The following PHLDB2 variants were observed in gnomAD, a reference collection of about 807,000 sequenced individuals.
PHLDB2 encodes the protein pleckstrin homology-like domain family B member 2.
PHLDB2 carries 71 observed loss-of-function variants against 123.6 expected under a neutral mutation model. The ratio of observed to expected loss-of-function variants is 0.57; its 90% CI spans 0.47 to 0.70. The LOEUF (loss-of-function observed/expected upper bound fraction) is 0.70, where lower values mean the gene tolerates loss of function less well. PHLDB2 is among the 30% of genes least tolerant of loss of function. The pLI is 0.00. For missense variants in PHLDB2, 1,446 were observed against 1,519.5 expected (o/e 0.95, Z 0.80); for synonymous variants, 547 against 541.6 (o/e 1.01, Z -0.14).
Position 111,805,858 on chromosome 3 carries a change from AAAG to A in PHLDB2, c.-48-39954_-48-39952del, listed in dbSNP as rs1276360543. 2.5e-3 allele frequency among the ~76,000 whole-genome samples: 367 copies of A among 148,718 alleles called. 58 individuals are homozygous for A. In the East Asian group the frequency reaches 0.068, roughly 27 times the overall value. On this transcript the variant is annotated intron_variant, in intron 1 of 17. Transcript: ENST00000393923. ...GCATAGATGTATGCAAAAAAAAAAA[AAAG>A]AAGAAGAAAAAAGAAAAGATACAAG...
chr3:111,849,479 G>A (rs2064156760), intron 2 of PHLDB2, among the ~76,000 whole-genome samples: 1 of 152,118 alleles, frequency 6.6e-6, no homozygotes, highest in African/African-American at 2.4e-5. Flanking sequence ...CCAAAGTTCT[G>A]AAAATTCTTA....
rs750706492 is a variant in PHLDB2, at chr3:111,913,491, A to G, written c.1508A>G (p.Asp503Gly). Residue 503 changes from aspartate (D) to glycine (G), a missense_variant, in exon 3 of 18, where the codon GAC (aspartate) becomes GGC (glycine). Coordinates refer to ENST00000431670, the MANE Select transcript of PHLDB2 (RefSeq NM_001134438.2). ...SVFEEALMSP[D>G]TRYRCHRKDS... ...TTTGAGGAAGCCCTCATGAGCCCTG[A>G]CACAAGATACAGGTGCCACCGGAAA... is the stretch of plus-strand genomic sequence containing the variant. 2 of 1,613,918 alleles carry G rather than the reference A, an allele frequency of 1.2e-6. No individual in the cohort carries two copies. The highest frequency in any genetic ancestry group is 1.7e-5 in the Admixed American group (1 of 60,004).
intron 12 of PHLDB2, 55 bp downstream of exon 12, chr3:111,954,084 CA>C (rs2070879448): frequency 6.6e-7 from 1 of 1,506,750 alleles, no homozygotes; most frequent in South Asian, 1.2e-5. Flanking sequence ...TAGAATTCTT[CA>C]GGGGGAGGAA....
chr3:111,896,911 C>T (rs2066905056), intron 2 of PHLDB2, among the ~76,000 whole-genome samples: 1 of 152,130 alleles, frequency 6.6e-6, no homozygotes, highest in Non-Finnish European at 1.5e-5. Context: ...CGGAGATTCA[C>T]AAGCAATCAT....
At chr3:111,763,371 C>G (rs142330433) in intron 1 of PHLDB2, among the ~76,000 whole-genome samples, 169 of 152,276 alleles carry the variant, frequency 1.1e-3, no homozygotes, top group African/African-American at 3.9e-3. Flanking sequence ...CTACCACTTT[C>G]TAGCTGGGTG....
chr3:111,863,280 CAG>C (rs1397935218), intron 1 of PHLDB2, among the ~76,000 whole-genome samples: 8 of 152,146 alleles, frequency 5.3e-5, no homozygotes, highest in African/African-American at 1.9e-4. Flanking sequence ...AGGTACAAAA[CAG>C]AACATTTGAG....
At chr3:111,954,559 A>G (rs1342229401) in intron 12 of PHLDB2, among the ~76,000 whole-genome samples, 3 of 151,996 alleles carry the variant, frequency 2.0e-5, no homozygotes, top group East Asian at 1.9e-4. Flanking sequence ...TTTTTTTTGT[A>G]GTAATACATT....
intron 1 of PHLDB2, among the ~76,000 whole-genome samples, chr3:111,760,201 A>G (rs7643067): frequency 0.022 from 3,294 of 152,358 alleles, 53 homozygotes; most frequent in Non-Finnish European, 0.026. Context: ...AGTTAAGACC[A>G]GAGAGCAATA....
intron 1 of PHLDB2, among the ~76,000 whole-genome samples, chr3:111,834,731 T>C (rs1181282175): frequency 6.6e-6 from 1 of 151,982 alleles, no homozygotes; most frequent in Non-Finnish European, 1.5e-5. Flanking sequence ...TTGCTTTTCT[T>C]ATTTTAACTT....
At chr3:111,831,334 C>T (rs936251826) in intron 1 of PHLDB2, among the ~76,000 whole-genome samples, 6 of 152,232 alleles carry the variant, frequency 3.9e-5, no homozygotes, top group Middle Eastern at 3.4e-3. Flanking sequence ...CATCATTGGG[C>T]TTTGAAGATA....
chr3:111,942,019 G>A (rs2069930271), intron 8 of PHLDB2, among the ~76,000 whole-genome samples: 1 of 152,030 alleles, frequency 6.6e-6, no homozygotes, highest in Admixed American at 6.6e-5. Context: ...GTTTCCATTA[G>A]CATCCTCACT....
At chr3:111,890,169 G>A (rs1349795616) in intron 2 of PHLDB2, among the ~76,000 whole-genome samples, 2 of 152,178 alleles carry the variant, frequency 1.3e-5, no homozygotes, top group Admixed American at 6.5e-5. Context: ...AACTCACCAC[G>A]TGGTCAGATC....
chr3:111,894,083 C>G (rs372144878), intron 2 of PHLDB2, among the ~76,000 whole-genome samples: 3,743 of 111,188 alleles, frequency 0.034, 93 homozygotes, highest in Non-Finnish European at 0.049. Flanking sequence ...ACAACAGTCC[C>G]CAGAGTGTGA....
chr3:111,966,020 C>G (rs957224815), intron 13 of PHLDB2, among the ~76,000 whole-genome samples: 1 of 152,156 alleles, frequency 6.6e-6, no homozygotes, highest in East Asian at 1.9e-4. Context: ...AAACTGGCCA[C>G]TATCCATCCA....
intron 1 of PHLDB2, among the ~76,000 whole-genome samples, chr3:111,882,126 T>C (rs1471639484): frequency 1.3e-5 from 2 of 152,228 alleles, no homozygotes; most frequent in African/African-American, 2.4e-5. Context: ...CAATATTCTC[T>C]CATGATGTAT....
intron 1 of PHLDB2, among the ~76,000 whole-genome samples, chr3:111,830,956 A>AAGGACG (rs1174498405): frequency 4.0e-5 from 1 of 24,774 alleles, no homozygotes; most frequent in Non-Finnish European, 8.0e-5. Context: ...AGAAAGAAAG[A>AAGGACG]GAAAGAAAGA....
At chr3:111,961,474 G>A (rs540674201) in intron 12 of PHLDB2, among the ~76,000 whole-genome samples, 1 of 152,266 alleles carries the variant, frequency 6.6e-6, no homozygotes, top group South Asian at 2.1e-4. Flanking sequence ...GTAATTACGA[G>A]GAGCACAGTC....
intron 8 of PHLDB2, among the ~76,000 whole-genome samples, chr3:111,943,680 GAAC>G (rs1370276944): frequency 6.6e-6 from 1 of 152,114 alleles, no homozygotes; most frequent in Admixed American, 6.6e-5. Flanking sequence ...ATATGAATTA[GAAC>G]AACAATTTAA....
chr3:111,838,299 C>T lies in PHLDB2; in HGVS notation c.-48-7522C>T, dbSNP rs1470077388. Among the ~76,000 whole-genome samples, 4 of 152,242 alleles carry T rather than the reference C, an allele frequency of 2.6e-5. No individual in the cohort carries two copies. The East Asian group carries it at 7.7e-4, about 29-fold the overall frequency. ...TATAGGCACCTGCCACCACTCCTAC[C>T]CAGGAACCTGTATGTTTAAAAAGTT... On this transcript the variant is annotated intron_variant, in intron 1 of 17. Coordinates refer to the PHLDB2 transcript ENST00000393923.
Sources: gnomAD v4.1 joint callset for allele counts (sites outside exome capture counted in the v4.1 genomes callset) on GRCh38, gnomAD v4.1.1 for gene constraint, MANE v1.5 for transcripts, NCBI Gene and HGNC (gene_info 2026-07-23, HGNC 2026-07-21) for gene names.